Variants in TLE4 observed in about 807,000 individuals in gnomAD.
TLE4 encodes the protein TLE family member 4, transcriptional corepressor.
Under a neutral mutation model 92.8 loss-of-function variants are expected in TLE4, and 8 were observed. That is an observed-to-expected ratio of 0.09 (90% CI 0.05 to 0.16). TLE4 has a LOEUF of 0.16. TLE4 is among the 10% of genes least tolerant of loss of function. TLE4 has a pLI of 1.00. For synonymous variants in TLE4, 371 were observed against 374.1 expected, an observed-to-expected ratio of 0.99 and a Z score of 0.10; for missense variants, 675 against 997.6, an observed-to-expected ratio of 0.68 and a Z score of 4.36.
chr9:79,712,541 T>G (rs1360950787), intron 14 of TLE4, among the ~76,000 whole-genome samples: 1 of 152,220 alleles, frequency 6.6e-6, no homozygotes, highest in African/African-American at 2.4e-5. Context: ...TAACTACCTT[T>G]CTCCAGAAAG....
rs185812876 is a variant in TLE4, at chr9:79,646,154, T to C, written c.391-6439T>C. 2.1e-4 allele frequency among the ~76,000 whole-genome samples: 32 copies of C among 152,338 alleles called. No homozygotes were observed. The East Asian group carries it at 2.7e-3, about 13-fold the overall frequency. Reference sequence around the variant, plus strand: ...CGTAACAAATCTGTGTTATACTGTGTACTCTTAATGTACATTTCCCTTCCT... The same window carrying C: ...CGTAACAAATCTGTGTTATACTGTGCACTCTTAATGTACATTTCCCTTCCT... On this transcript the variant is annotated intron_variant, in intron 6 of 19. Transcript: ENST00000376552.
rs754621594 is a variant in TLE4 at position 79,722,475 on chromosome 9, A to G, written c.2011A>G (p.Thr671Ala). ...GATCTTTTCTCTGGGCTACTGCCCA[A>G]CTGGAGAGTGGCTTGCAGTGGGGAT... ...SQIFSLGYCP[T>A]GEWLAVGMEN... The change falls in exon 18 of 20, where the codon ACT (threonine) becomes GCT (alanine). Residue 671 changes from threonine (T) to alanine (A), a missense_variant. Thr to Ala is a moderately conservative substitution (Grantham distance 58). Transcript: ENST00000376552. The G allele has an allele frequency of 6.8e-6, 11 of 1,614,084 alleles. No homozygotes were observed. The highest frequency in any genetic ancestry group is 1.7e-5 in the Admixed American group (1 of 59,992).
At chr9:79,583,791 T>G (rs1171647024) in intron 4 of TLE4, among the ~76,000 whole-genome samples, 1 of 152,208 alleles carries the variant, frequency 6.6e-6, no homozygotes, top group African/African-American at 2.4e-5. Context: ...GCACTAGTAC[T>G]CTGTAACACC....
At chr9:79,655,494 T>C (rs2059653977) in intron 8 of TLE4, among the ~76,000 whole-genome samples, 3 of 152,196 alleles carry the variant, frequency 2.0e-5, no homozygotes, top group African/African-American at 7.2e-5. Context: ...CTTGAGCCTA[T>C]CTGTTTTACC....
chr9:79,640,668 C>T (rs2056948874), intron 6 of TLE4, among the ~76,000 whole-genome samples: 1 of 152,072 alleles, frequency 6.6e-6, no homozygotes, highest in African/African-American at 2.4e-5. Flanking sequence ...AAGTAACACT[C>T]AGCTCCTTCT....
intron 8 of TLE4, among the ~76,000 whole-genome samples, chr9:79,663,231 GCTTGAAGAGACAGCT>G (rs2060833783): frequency 2.6e-5 from 4 of 152,290 alleles, no homozygotes; most frequent in Admixed American, 2.6e-4. Context: ...GAAACTAAAA[GCTTGAAGAGACAGCT>G]TTTTAGGAAC....
At chr9:79,687,789 G>A (rs184672913) in intron 8 of TLE4, among the ~76,000 whole-genome samples, 1 of 152,166 alleles carries the variant, frequency 6.6e-6, no homozygotes. Flanking sequence ...TCAACTATCA[G>A]CCCTTTGTGA....
At chr9:79,584,428 T>G (rs1227125502) in intron 4 of TLE4, among the ~76,000 whole-genome samples, 1 of 152,192 alleles carries the variant, frequency 6.6e-6, no homozygotes, top group African/African-American at 2.4e-5. Flanking sequence ...TTGATAAAAC[T>G]GGCTATCTGG....
chr9:79,589,403 A>G (rs34798038), intron 4 of TLE4, among the ~76,000 whole-genome samples: 6,852 of 151,252 alleles, frequency 0.045, 221 homozygotes, highest in East Asian at 0.084. Flanking sequence ...GATCCTTTGT[A>G]ATCTTCCTTT....
rs2075359099 is a variant in TLE4, at chr9:79,720,344, A to G, written c.1838+51A>G. ...GTTGTGAGGAGGAGCCGATTTTACC[A>G]TATTTTGCCAAAGTGCTGTGTATAT... On this transcript the variant is annotated intron_variant, in intron 16 of 19. Coordinates refer to ENST00000376552, the MANE Select transcript of TLE4 (RefSeq NM_007005.6). The G allele has an allele frequency of 1.9e-6, 3 of 1,565,322 alleles. No individual in the cohort carries two copies. The South Asian group carries it at 3.6e-5, about 19-fold the overall frequency.
intron 6 of TLE4, among the ~76,000 whole-genome samples, chr9:79,634,841 G>A (rs1022064202): frequency 6.6e-6 from 1 of 152,126 alleles, no homozygotes; most frequent in African/African-American, 2.4e-5. Flanking sequence ...CCTGTGTATT[G>A]CAGACTGATA....
chr9:79,591,061 A>G (rs933762395), intron 4 of TLE4, among the ~76,000 whole-genome samples: 1 of 152,194 alleles, frequency 6.6e-6, no homozygotes, highest in Non-Finnish European at 1.5e-5. Flanking sequence ...ACCTCATACT[A>G]TGTGCAGGTT....
At chr9:79,624,512 A>T (rs565880035) in intron 5 of TLE4, among the ~76,000 whole-genome samples, 1 of 152,356 alleles carries the variant, frequency 6.6e-6, no homozygotes, top group South Asian at 2.1e-4. Flanking sequence ...TCTGAACTGC[A>T]GGTAAAGTTC....
chr9:79,709,527 T>G, intron 13 of TLE4, 96 bp from the exon 14 acceptor site: 1 of 999,534 alleles, frequency 1.0e-6, no homozygotes, highest in Non-Finnish European at 1.5e-6. Context: ...TTTTAAAGGA[T>G]CTATTCTCCC....
At position 79,577,370 on chromosome 9, in the gene TLE4, G is replaced by A. The variant is rs138767344; in HGVS notation, c.252+1193G>A. ...ACAAAAAGTTGGAAAAAAATGAGAC[G>A]TTGCTTACATTGAGGACTTTTAATT... On this transcript the variant is annotated intron_variant, in intron 4 of 19. Coordinates refer to ENST00000376552, the MANE Select transcript of TLE4 (RefSeq NM_007005.6). Among the ~76,000 whole-genome samples, 415 of 152,214 alleles carry A rather than the reference G, an allele frequency of 2.7e-3. 2 individuals carry two copies. The highest frequency in any genetic ancestry group is 9.3e-3 in the African/African-American group (388 of 41,532).
chr9:79,708,477 A>G (rs2072314409), intron 12 of TLE4, 116 bp from the exon 13 acceptor site: 1 of 1,179,176 alleles, frequency 8.5e-7, no homozygotes, highest in African/African-American at 1.5e-5. Context: ...ATGACTTTTG[A>G]GAATATTAAA....
chr9:79,666,775 A>C (rs1411313825), intron 8 of TLE4, among the ~76,000 whole-genome samples: 1 of 152,218 alleles, frequency 6.6e-6, no homozygotes, highest in Non-Finnish European at 1.5e-5. Flanking sequence ...ACAACATTAC[A>C]TGGAAACATT....
intron 5 of TLE4, among the ~76,000 whole-genome samples, chr9:79,615,108 C>T (rs2049226747): frequency 6.6e-6 from 1 of 152,166 alleles, no homozygotes; most frequent in South Asian, 2.1e-4. Flanking sequence ...TGAACATCGT[C>T]CACCTTGTTT....
rs1351097792 is a variant in TLE4 at position 79,676,030 on chromosome 9, A to G, written c.609+21955A>G. 2.0e-5 allele frequency among the ~76,000 whole-genome samples: 3 copies of G among 152,080 alleles called. No homozygotes were observed. The East Asian group carries it at 5.8e-4, about 29-fold the overall frequency. On this transcript the variant is annotated intron_variant, in intron 8 of 19. Transcript: ENST00000376552. ...GTGGGCTGCTCAACCTGTACTGGCC[A>G]CTTTGAACTGATTAGATAACAGGCA...
Sources: gnomAD v4.1 joint callset for allele counts (sites outside exome capture counted in the v4.1 genomes callset) on GRCh38, gnomAD v4.1.1 for gene constraint, MANE v1.5 for transcripts, NCBI Gene and HGNC (gene_info 2026-07-23, HGNC 2026-07-21) for gene names.